CTXND2: variants seen among roughly 807,000 people sequenced by gnomAD.
CTXND2 encodes the protein cortexin domain containing 2.
At chr1:150,892,578 GC>G (rs2102594260) in intron 1 of CTXND2, among the ~76,000 whole-genome samples, 1 of 140,436 alleles carries the variant, frequency 7.1e-6, no homozygotes, top group East Asian at 2.1e-4. Context: ...TTATCATCCA[GC>G]CTGGATTGCA....
chr1:150,910,666 C>CT (rs1669239668), intron 1 of CTXND2, among the ~76,000 whole-genome samples: 2 of 146,626 alleles, frequency 1.4e-5, no homozygotes, highest in Non-Finnish European at 3.0e-5. Flanking sequence ...GAGTCTCACT[C>CT]TGTCGCCCAG....
intron 1 of CTXND2, among the ~76,000 whole-genome samples, chr1:150,901,938 T>C (rs964280684): frequency 4.0e-5 from 6 of 148,586 alleles, no homozygotes; most frequent in Non-Finnish European, 7.5e-5. Flanking sequence ...AAAAAAAAAA[T>C]AAATTCAATG....
intron 1 of CTXND2, among the ~76,000 whole-genome samples, chr1:150,888,687 A>ATTATTTAT (rs587608698): frequency 6.6e-6 from 1 of 151,494 alleles, no homozygotes; most frequent in African/African-American, 2.4e-5. Flanking sequence ...AATGTATTTT[A>ATTATTTAT]TTATTTATTT....
In CTXND2 at chr1:150,906,165, G is replaced by C. The variant is rs916496084; in HGVS notation, c.-73-6077G>C. 3.3e-5 allele frequency among the ~76,000 whole-genome samples: 5 copies of C among 152,008 alleles called. No homozygotes were observed. The East Asian group carries it at 7.7e-4, about 23-fold the overall frequency. On this transcript the variant is annotated intron_variant, in intron 1 of 1. Coordinates refer to ENST00000636087, the Ensembl canonical transcript of CTXND2. Reference sequence around the variant, plus strand: ...AATTTAAAAATCAGCCAAGTATGGTGGTGGGCACCTGTAGTCACAGCTATC... The same window carrying C: ...AATTTAAAAATCAGCCAAGTATGGTCGTGGGCACCTGTAGTCACAGCTATC...
chr1:150,903,499 A>T (rs1461803876), intron 1 of CTXND2, among the ~76,000 whole-genome samples: 2 of 151,972 alleles, frequency 1.3e-5, no homozygotes, highest in Non-Finnish European at 2.9e-5. Context: ...ATAAAATTAA[A>T]AATAAAAATC....
intron 1 of CTXND2, among the ~76,000 whole-genome samples, chr1:150,907,685 T>C (rs1319215190): frequency 6.6e-6 from 1 of 151,006 alleles, no homozygotes; most frequent in Non-Finnish European, 1.5e-5. Flanking sequence ...AGGAGTGGAA[T>C]TGCTGCGTCA....
intron 1 of CTXND2, among the ~76,000 whole-genome samples, chr1:150,910,295 A>G (rs1294573692): frequency 6.7e-6 from 1 of 149,630 alleles, no homozygotes; most frequent in Non-Finnish European, 1.5e-5. Context: ...ACACCCAGCT[A>G]ATTTTTATAT....
intron 1 of CTXND2, among the ~76,000 whole-genome samples, chr1:150,910,376 C>G (rs936948321): frequency 2.0e-5 from 3 of 152,048 alleles, no homozygotes; most frequent in African/African-American, 7.2e-5. Context: ...GTGATCCGCC[C>G]TCCTCGGCCT....
chr1:150,911,227 C>T (rs1358861793), intron 1 of CTXND2, among the ~76,000 whole-genome samples: 2 of 152,068 alleles, frequency 1.3e-5, no homozygotes, highest in Non-Finnish European at 2.9e-5. Flanking sequence ...GGATTACAGG[C>T]GTGAGCCACC....
At chr1:150,888,832 C>G (rs1241265946) in intron 1 of CTXND2, among the ~76,000 whole-genome samples, 1 of 151,782 alleles carries the variant, frequency 6.6e-6, no homozygotes, top group East Asian at 1.9e-4. Context: ...CTGGGAGGGA[C>G]TATAGGTGCG....
intron 1 of CTXND2, among the ~76,000 whole-genome samples, chr1:150,900,549 C>T (rs1393334791): frequency 6.6e-6 from 1 of 152,122 alleles, no homozygotes; most frequent in African/African-American, 2.4e-5. Context: ...ATTTGGGAAA[C>T]AGGCTGGAGA....
exon 2 of CTXND2, chr1:150,912,831 T>C (rs1310307884): frequency 5.7e-6 from 1 of 174,316 alleles, no homozygotes; most frequent in Non-Finnish European, 1.2e-5. Context: ...CAGACTTGAA[T>C]GATCCCTTTA....
chr1:150,892,244 G>C (rs1160198480), intron 1 of CTXND2, among the ~76,000 whole-genome samples: 1 of 152,126 alleles, frequency 6.6e-6, no homozygotes, highest in Non-Finnish European at 1.5e-5. Context: ...AGGTTTTCAA[G>C]TTTTCCTTTT....
At chr1:150,911,736 A>G (rs1293669913) in intron 1 of CTXND2, among the ~76,000 whole-genome samples, 1 of 152,146 alleles carries the variant, frequency 6.6e-6, no homozygotes, top group Non-Finnish European at 1.5e-5. Flanking sequence ...CCCGGCCTGT[A>G]AGTTTTAATA....
At chr1:150,898,212 T>C (rs940153161) in intron 1 of CTXND2, among the ~76,000 whole-genome samples, 3 of 152,076 alleles carry the variant, frequency 2.0e-5, no homozygotes, top group African/African-American at 7.2e-5. Context: ...GATGTGCTTT[T>C]TATAGGTTTC....
At chr1:150,891,135 T>A (rs587740084) in intron 1 of CTXND2, among the ~76,000 whole-genome samples, 3 of 152,338 alleles carry the variant, frequency 2.0e-5, no homozygotes, top group Admixed American at 1.3e-4. Flanking sequence ...GAAACTCATA[T>A]TGATAGAAGA....
chr1:150,902,785 G>A (rs936722666), intron 1 of CTXND2, among the ~76,000 whole-genome samples: 1 of 151,994 alleles, frequency 6.6e-6, no homozygotes, highest in African/African-American at 2.4e-5. Context: ...TGACAAAAAA[G>A]CAGACCACTA....
chr1:150,906,518 T>C (rs1216547148), intron 1 of CTXND2, among the ~76,000 whole-genome samples: 1 of 152,170 alleles, frequency 6.6e-6, no homozygotes, highest in Non-Finnish European at 1.5e-5. Flanking sequence ...CCTAGATAGA[T>C]GCTTTAAACT....
chr1:150,892,106 G>A (rs966512418), intron 1 of CTXND2, among the ~76,000 whole-genome samples: 2 of 152,138 alleles, frequency 1.3e-5, no homozygotes, highest in African/African-American at 4.8e-5. Flanking sequence ...AAAATATTCA[G>A]GCTGAATAAG....
Sources: gnomAD v4.1 joint callset for allele counts (sites outside exome capture counted in the v4.1 genomes callset) on GRCh38, gnomAD v4.1.1 for gene constraint, MANE v1.5 for transcripts, NCBI Gene and HGNC (gene_info 2026-07-23, HGNC 2026-07-21) for gene names.